The following NRG1 variants were observed in gnomAD, a reference collection of about 807,000 sequenced individuals.
NRG1 encodes pro-neuregulin-1, membrane-bound isoform.
NRG1 carries 18 observed loss-of-function variants against 63.8 expected under a neutral mutation model. The ratio of observed to expected loss-of-function variants is 0.28; its 90% CI spans 0.19 to 0.42. The LOEUF is 0.42. Ranked by LOEUF, NRG1 falls within the 10% of genes least tolerant of loss-of-function variation. The pLI, the probability that NRG1 is intolerant of heterozygous loss-of-function variation, is 1.00. For missense variants in NRG1, 762 were observed against 814.7 expected (o/e 0.94, Z 0.79); for synonymous variants, 302 against 301.3 (o/e 1.00, Z -0.02).
chr8:32,665,293 T>C (rs2128881852), intron 5 of NRG1, among the ~76,000 whole-genome samples: 1 of 152,314 alleles, frequency 6.6e-6, no homozygotes, highest in African/African-American at 2.4e-5. Context: ...TTTATATTAG[T>C]GCTGCTACAT....
chr8:31,872,321 T>A (rs1049574227), intron 1 of NRG1, among the ~76,000 whole-genome samples: 1 of 152,190 alleles, frequency 6.6e-6, no homozygotes, highest in Non-Finnish European at 1.5e-5. Context: ...CATTTTTTTT[T>A]ATTGGCCTCA....
At chr8:32,172,091 C>T (rs1157202458) in intron 1 of NRG1, among the ~76,000 whole-genome samples, 10 of 152,132 alleles carry the variant, frequency 6.6e-5, no homozygotes, top group Admixed American at 3.9e-4. Context: ...CTGGGAGGCA[C>T]CCCCCAGTAG....
exon 12 of NRG1, chr8:32,763,926 C>A (rs538081936): frequency 1.2e-6 from 2 of 1,614,022 alleles, no homozygotes; most frequent in South Asian, 2.2e-5. Flanking sequence ...TCTCGTGACA[C>A]CACCAAGGCT....
At chr8:31,954,929 G>C (rs1401220460) in intron 1 of NRG1, among the ~76,000 whole-genome samples, 1 of 152,134 alleles carries the variant, frequency 6.6e-6, no homozygotes, top group Non-Finnish European at 1.5e-5. Context: ...AGCAAAGATA[G>C]AGGTTCTTTA....
intron 1 of NRG1, among the ~76,000 whole-genome samples, chr8:32,445,008 G>A (rs1042520895): frequency 3.3e-5 from 5 of 152,204 alleles, no homozygotes; most frequent in African/African-American, 1.2e-4. Flanking sequence ...GGGGAGGAAA[G>A]TAGCCATTAT....
intron 1 of NRG1, among the ~76,000 whole-genome samples, chr8:31,648,124 CTTTTTTTTTTTT>C (rs36074483): frequency 9.8e-5 from 5 of 51,274 alleles, no homozygotes; most frequent in Non-Finnish European, 1.6e-4. Context: ...TTTGACTACT[CTTTTTTTTTTTT>C]TTTTTTTTTT....
intron 1 of NRG1, among the ~76,000 whole-genome samples, chr8:32,448,880 G>A (rs536209196): frequency 3.9e-5 from 6 of 152,238 alleles, no homozygotes; most frequent in South Asian, 4.2e-4. Context: ...ATTATCTTGA[G>A]AAAATCCTCT....
chr8:32,495,765 T>C lies in NRG1; in HGVS notation c.38-100063T>C, dbSNP rs537885781. 8.1e-4 allele frequency among the ~76,000 whole-genome samples: 123 copies of C among 152,230 alleles called. 1 individual carries two copies. The highest frequency in any genetic ancestry group is 2.8e-3 in the African/African-American group (118 of 41,548). On this transcript the variant is annotated intron_variant, in intron 1 of 10. Coordinates refer to the NRG1 transcript ENST00000519301. ...GAGTGAGCCACTGTGCCCAGCCTGT[T>C]TGGTTTTGTTTTTGTTATTGTTTGT... is the stretch of plus-strand genomic sequence containing the variant.
chr8:32,732,077 A>G (rs1327873636), intron 6 of NRG1, among the ~76,000 whole-genome samples: 1 of 152,110 alleles, frequency 6.6e-6, no homozygotes, highest in Non-Finnish European at 1.5e-5. Context: ...ACAGTGAAAA[A>G]CTTCTCTGAG....
intron 1 of NRG1, among the ~76,000 whole-genome samples, chr8:31,929,448 A>G (rs1834685678): frequency 1.3e-5 from 2 of 151,900 alleles, no homozygotes; most frequent in African/African-American, 4.8e-5. Flanking sequence ...CATTTTATAG[A>G]TTATCTCTTG....
At chr8:32,502,100 G>A (rs73579860) in intron 1 of NRG1, among the ~76,000 whole-genome samples, 4,700 of 152,210 alleles carry the variant, frequency 0.031, 86 homozygotes, top group African/African-American at 0.049. Flanking sequence ...ACAAAGAAAA[G>A]AGGTTGACTC....
chr8:32,258,351 T>C (rs1849976136), intron 1 of NRG1, among the ~76,000 whole-genome samples: 2 of 152,226 alleles, frequency 1.3e-5, no homozygotes, highest in Non-Finnish European at 2.9e-5. Context: ...GTTTATTATA[T>C]GACAGAGATC....
chr8:32,539,791 A>G (rs985033623), intron 1 of NRG1, among the ~76,000 whole-genome samples: 3 of 149,930 alleles, frequency 2.0e-5, no homozygotes, highest in South Asian at 2.1e-4. Flanking sequence ...AAAGTTAAGG[A>G]AAAAAAAAAG....
chr8:31,671,323 T>C (rs1453355425), intron 1 of NRG1, among the ~76,000 whole-genome samples: 1 of 152,152 alleles, frequency 6.6e-6, no homozygotes, highest in Non-Finnish European at 1.5e-5. Flanking sequence ...CAGGGAAAAA[T>C]AGAAGATCAA....
At chr8:32,487,589 G>A (rs1440624859) in intron 1 of NRG1, among the ~76,000 whole-genome samples, 1 of 152,130 alleles carries the variant, frequency 6.6e-6, no homozygotes, top group Non-Finnish European at 1.5e-5. Context: ...AAATCCAAGA[G>A]CAAATGAAAT....
chr8:31,836,012 G>A (rs1039317406), intron 1 of NRG1, among the ~76,000 whole-genome samples: 2 of 152,126 alleles, frequency 1.3e-5, no homozygotes, highest in African/African-American at 4.8e-5. Flanking sequence ...ATGGCTGGTG[G>A]CTACCTTATT....
chr8:31,990,532 C>T (rs1486930408), intron 1 of NRG1, among the ~76,000 whole-genome samples: 1 of 152,040 alleles, frequency 6.6e-6, no homozygotes, highest in Non-Finnish European at 1.5e-5. Context: ...AGCATAGTCA[C>T]ACTAAGGTGC....
intron 1 of NRG1, among the ~76,000 whole-genome samples, chr8:31,797,444 A>C (rs1821334837): frequency 6.6e-6 from 1 of 152,210 alleles, no homozygotes; most frequent in Non-Finnish European, 1.5e-5. Flanking sequence ...ATCCAGCCCC[A>C]AAGTTTAAGA....
intron 1 of NRG1, among the ~76,000 whole-genome samples, chr8:32,118,228 A>G (rs1353590895): frequency 6.6e-6 from 1 of 152,072 alleles, no homozygotes; most frequent in Non-Finnish European, 1.5e-5. Context: ...CAGATCCTTC[A>G]TGAATACATT....
Sources: allele counts gnomAD v4.1 joint callset (sites outside exome capture counted in the v4.1 genomes callset), GRCh38; gene constraint gnomAD v4.1.1; transcripts MANE v1.5; gene names NCBI Gene and HGNC (gene_info 2026-07-23, HGNC 2026-07-21).